The following MED27 variants were observed in gnomAD, a reference collection of about 807,000 sequenced individuals.
The protein encoded by MED27 is mediator of RNA polymerase II transcription subunit 27.
MED27 carries 30 observed loss-of-function variants against 38.2 expected under a neutral mutation model. The ratio of observed to expected loss-of-function variants is 0.79; its 90% CI spans 0.59 to 1.07. MED27 has a LOEUF of 1.07. Among genes scored for constraint, MED27 ranks in the 50% least tolerant of loss-of-function variants. MED27 has a pLI of 0.00. For synonymous variants in MED27, 122 were observed against 153.5 expected, an observed-to-expected ratio of 0.79 and a Z score of 1.52; for missense variants, 289 against 397.5, an observed-to-expected ratio of 0.73 and a Z score of 2.32.
intron 2 of MED27, among the ~76,000 whole-genome samples, chr9:132,039,496 C>A (rs1165923520): frequency 6.6e-6 from 1 of 152,196 alleles, no homozygotes; most frequent in South Asian, 2.1e-4. Context: ...CATTATGAGT[C>A]GTAACAGTGC....
intron 2 of MED27, among the ~76,000 whole-genome samples, chr9:132,046,880 G>A (rs1006670559): frequency 6.6e-6 from 1 of 152,136 alleles, no homozygotes; most frequent in South Asian, 2.1e-4. Flanking sequence ...GCAGAGCAGG[G>A]CAAATAAAGC....
intron 2 of MED27, among the ~76,000 whole-genome samples, chr9:132,023,146 T>C (rs1832752172): frequency 6.6e-6 from 1 of 152,200 alleles, no homozygotes; most frequent in Non-Finnish European, 1.5e-5. Context: ...AGGTGAGGCA[T>C]GGGGGAAGAA....
rs80325645 is a variant in MED27, at chr9:131,892,383, T to C, written c.681+1502A>G. The stretch of plus-strand genomic sequence containing the variant: ...TTTATGTGTACTACTTCAGACACTT[T>C]CAGTAAGGGGCAATTAAATAGAGTG... On this transcript the variant is annotated intron_variant, in intron 5 of 7. Transcript: ENST00000292035. Among the ~76,000 whole-genome samples the C allele has an allele frequency of 9.3e-3, 1,421 of 152,344 alleles. 16 individuals carry two copies. The highest frequency in any genetic ancestry group is 0.016 in the Non-Finnish European group (1,090 of 68,022).
At chr9:131,908,478 G>A (rs1025917449) in intron 4 of MED27, among the ~76,000 whole-genome samples, 41 of 152,204 alleles carry the variant, frequency 2.7e-4, no homozygotes, top group African/African-American at 9.2e-4. Flanking sequence ...GATGGGTGCC[G>A]TGTCTGTGTA....
At chr9:131,968,893 T>G (rs886107430) in intron 3 of MED27, among the ~76,000 whole-genome samples, 1 of 152,106 alleles carries the variant, frequency 6.6e-6, no homozygotes, top group Admixed American at 6.5e-5. Context: ...CCGCCTTAGA[T>G]TCTCACAGGA....
Position 131,979,831 on chromosome 9 carries a change from A to ATGGCTGGC in MED27, c.479+34498_479+34505dup, listed in dbSNP as rs71374157. On this transcript the variant is annotated intron_variant, in intron 3 of 7. Transcript: ENST00000292035. ...TTGTAGAGTGGCACCTGAAAACAAG[A>ATGGCTGGC]TGGCTGGCTGGCTGGCTGGCTGGCT... 7.3e-3 allele frequency among the ~76,000 whole-genome samples: 1,099 copies of ATGGCTGGC among 150,486 alleles called. 13 individuals carry two copies. The highest frequency in any genetic ancestry group is 0.01 in the Non-Finnish European group (708 of 67,570).
At chr9:131,868,794 G>T in intron 6 of MED27, 1 of 985,468 alleles carries the variant, frequency 1.0e-6, no homozygotes, top group Non-Finnish European at 1.2e-6. Flanking sequence ...ATCTCCCAGG[G>T]CAGGTAAGTC....
rs1167129633 is a variant in MED27, at chr9:132,051,242, C to T, written c.348+26200G>A. ...TTCAAGGTTATCCCTAATAACATTT[C>T]GGCCACTCATTTGCATTCCAGTAAG... On this transcript the variant is annotated intron_variant, in intron 2 of 7. Coordinates refer to ENST00000292035, the MANE Select transcript of MED27 (RefSeq NM_004269.4). This position sits in a 1 kb window ranked among gnomAD's most constrained non-coding sequence, Gnocchi z 4.2. Among the ~76,000 whole-genome samples, 1 of 152,192 alleles carries T rather than the reference C, an allele frequency of 6.6e-6. No homozygotes were observed. The highest frequency in any genetic ancestry group is 2.4e-5 in the African/African-American group (1 of 41,424).
chr9:131,907,738 T>C (rs1383515223), intron 4 of MED27, among the ~76,000 whole-genome samples: 3 of 128,282 alleles, frequency 2.3e-5, no homozygotes, highest in African/African-American at 2.9e-5. Flanking sequence ...GTGAGGAGCG[T>C]CTCTGCCCGG....
chr9:132,019,718 C>T (rs1832679107), intron 2 of MED27, among the ~76,000 whole-genome samples: 1 of 152,192 alleles, frequency 6.6e-6, no homozygotes, highest in Admixed American at 6.5e-5. Context: ...ACAGGGTTTG[C>T]CTTAATAGCT....
Position 131,889,313 on chromosome 9 carries a change from T to C in MED27, c.681+4572A>G, listed in dbSNP as rs1451734548. Among the ~76,000 whole-genome samples the C allele has an allele frequency of 1.3e-5, 2 of 152,228 alleles. No homozygotes were observed. The highest frequency in any genetic ancestry group is 4.8e-5 in the African/African-American group (2 of 41,458). On this transcript the variant is annotated intron_variant, in intron 5 of 7. Transcript: ENST00000292035. This position sits in a 1 kb window ranked among gnomAD's most constrained non-coding sequence, Gnocchi z 4.2. ...CGGAGGCTAAAAGCTGCCTTTTTTA[T>C]TGATATGGGGTAATTAATGAAGCTA...
rs535943750 is a variant in MED27, at chr9:132,023,545, A to G, written c.349-9078T>C. On this transcript the variant is annotated intron_variant, in intron 2 of 7. Coordinates refer to ENST00000292035, the MANE Select transcript of MED27 (RefSeq NM_004269.4). ...AATGCCTGTTTCTGCTTTAAGCACCATTTTCATTATGGTCAGATGCAGCCC... is the reference window on the plus strand; with the variant it reads ...AATGCCTGTTTCTGCTTTAAGCACCGTTTTCATTATGGTCAGATGCAGCCC... 5.3e-5 allele frequency among the ~76,000 whole-genome samples: 8 copies of G among 152,080 alleles called. No individual in the cohort carries two copies. In the East Asian group the frequency reaches 1.5e-3, roughly 29 times the overall value.
rs2131023398 is a variant in MED27, at chr9:131,978,078, T to G, written c.479+36259A>C. Among the ~76,000 whole-genome samples the G allele has an allele frequency of 2.6e-5, 4 of 152,294 alleles. 1 individual carries two copies. The South Asian group carries it at 8.3e-4, about 32-fold the overall frequency. On this transcript the variant is annotated intron_variant, in intron 3 of 7. Transcript: ENST00000292035. ...ACACAATACCATCGATGAAGCAGCC[T>G]TGTGAAAACAAACAAGCAAATCAAA...
chr9:131,901,063 GAGAC>G lies in MED27; in HGVS notation c.574-7075_574-7072del, dbSNP rs546189835. 3.2e-3 allele frequency among the ~76,000 whole-genome samples: 413 copies of G among 129,286 alleles called. 4 individuals carry two copies. Among genetic ancestry groups the G allele is most frequent in the African/African-American group, 0.011 (399 of 34,816 alleles). 84.8% of individuals were successfully genotyped at this position (129,286 alleles called of 152,430 possible). Reference sequence around the variant, plus strand: ...GAAAGAGGGGGAGAGAGAGGTGAGAGAGACAGAAGAAGAGATGGGGAGAGAGAAT... The same window carrying G: ...GAAAGAGGGGGAGAGAGAGGTGAGAGAGAAGAAGAGATGGGGAGAGAGAAT... On this transcript the variant is annotated intron_variant, in intron 4 of 7. Coordinates refer to ENST00000292035, the MANE Select transcript of MED27 (RefSeq NM_004269.4).
chr9:131,909,204 G>A (rs941782280), intron 4 of MED27, among the ~76,000 whole-genome samples: 14 of 152,214 alleles, frequency 9.2e-5, no homozygotes, highest in Admixed American at 6.5e-4. Flanking sequence ...AAAACCTGGA[G>A]GGGAAATATC....
At chr9:132,019,116 G>T (rs954037099) in intron 2 of MED27, among the ~76,000 whole-genome samples, 1 of 152,144 alleles carries the variant, frequency 6.6e-6, no homozygotes, top group Non-Finnish European at 1.5e-5. Flanking sequence ...GGTCTGTACT[G>T]GGAAAAACGC....
At chr9:131,934,608 G>C (rs954694241) in intron 4 of MED27, among the ~76,000 whole-genome samples, 2 of 152,182 alleles carry the variant, frequency 1.3e-5, no homozygotes, top group African/African-American at 2.4e-5. Context: ...TACACTGTTG[G>C]TGGAAATGTA....
intron 4 of MED27, among the ~76,000 whole-genome samples, chr9:131,907,250 G>A (rs905481522): frequency 3.3e-5 from 5 of 151,954 alleles, no homozygotes; most frequent in East Asian, 3.9e-4. Context: ...CTCTTTCCAC[G>A]GTCTCCCTCT....
intron 2 of MED27, among the ~76,000 whole-genome samples, chr9:132,069,424 T>C (rs1247683055): frequency 6.6e-6 from 1 of 152,224 alleles, no homozygotes; most frequent in Non-Finnish European, 1.5e-5. Flanking sequence ...GCCAAAGCCT[T>C]GGGATAGAAA....
Sources: gnomAD v4.1 joint callset for allele counts (sites outside exome capture counted in the v4.1 genomes callset) on GRCh38, gnomAD v4.1.1 for gene constraint, Gnocchi (gnomAD v3.1) non-coding constraint, MANE v1.5 for transcripts, NCBI Gene and HGNC (gene_info 2026-07-23, HGNC 2026-07-21) for gene names.